NLRP5: variants seen among roughly 807,000 people sequenced by gnomAD.
The protein encoded by NLRP5 is NACHT, LRR and PYD domains-containing protein 5.
NLRP5 carries 93 observed loss-of-function variants against 113.1 expected under a neutral mutation model. The observed-to-expected ratio is 0.82, with a 90% CI of 0.70 to 0.98. NLRP5 has a LOEUF of 0.98. Ranked by LOEUF, NLRP5 falls within the 50% of genes least tolerant of loss-of-function variation. The pLI is 0.00. For synonymous variants in NLRP5, 751 were observed against 600.7 expected (o/e 1.25, Z -3.66); for missense variants, 1,808 against 1,514.3 (o/e 1.19, Z -3.22).
intron 7 of NLRP5, among the ~76,000 whole-genome samples, chr19:56,030,911 A>T (rs1199676633): frequency 2.0e-5 from 3 of 151,344 alleles, no homozygotes; most frequent in Non-Finnish European, 4.4e-5. Context: ...ATGGGGTTTC[A>T]CCATATTGGC....
upstream of NLRP5, among the ~76,000 whole-genome samples, chr19:55,998,133 GA>G (rs1408634634): frequency 6.6e-6 from 1 of 152,062 alleles, no homozygotes; most frequent in Non-Finnish European, 1.5e-5. Flanking sequence ...AATTAAGTAG[GA>G]ATTCCAAAGA....
Position 56,028,443 on chromosome 19 carries a change from G to C in NLRP5, c.2210G>C (p.Arg737Pro), listed in dbSNP as rs375006739. 3 of 1,613,898 alleles carry C rather than the reference G, an allele frequency of 1.9e-6. No individual in the cohort carries two copies. Among genetic ancestry groups the C allele is most frequent in the Admixed American group, 3.3e-5 (2 of 60,020 alleles). The stretch of plus-strand genomic sequence containing the variant: ...CACTGTCCGTATTTGCGGAAAATTC[G>C]GGTGGATGTCAAAGGGATCTTCCCA... Residue 737 changes from arginine to proline, a missense_variant, in exon 7 of 15, where the codon CGG (arginine) becomes CCG (proline). Transcript: ENST00000390649.
intron 1 of NLRP5, among the ~76,000 whole-genome samples, chr19:56,001,157 T>C (rs1002890153): frequency 5.7e-5 from 5 of 88,376 alleles, no homozygotes; most frequent in African/African-American, 2.3e-4. Context: ...ACCTTGTCTC[T>C]ACTTTTTTTT....
chr19:56,006,279 G>C (rs1450424611), intron 2 of NLRP5, among the ~76,000 whole-genome samples: 1 of 152,088 alleles, frequency 6.6e-6, no homozygotes, highest in African/African-American at 2.4e-5. Context: ...CTGTTGTGGG[G>C]TGGGGGAAGT....
chr19:56,008,729 G>A, intron 2 of NLRP5, 59 bp from the exon 3 acceptor site: 1 of 1,450,182 alleles, frequency 6.9e-7, no homozygotes, highest in Non-Finnish European at 9.5e-7. Flanking sequence ...TCTTATCCTT[G>A]GCTTGGGTAA....
chr19:55,988,528 C>T, the NLRP5 span: 1 of 147,566 alleles, frequency 6.8e-6, no homozygotes, highest in Non-Finnish European at 1.5e-5. Context: ...TAGACAAAGT[C>T]TTCATCGTCT....
chr19:56,024,337 GC>G (rs1982727225), intron 6 of NLRP5, among the ~76,000 whole-genome samples: 1 of 117,290 alleles, frequency 8.5e-6, no homozygotes, highest in Non-Finnish European at 1.7e-5. Flanking sequence ...CCTCATCTCT[GC>G]TTAAAAAAAA....
rs921897771 is a variant in NLRP5 at position 56,030,351 on chromosome 19, C to T, written c.2276+1842C>T. 5.3e-5 allele frequency among the ~76,000 whole-genome samples: 8 copies of T among 151,980 alleles called. 1 individual carries two copies. Among genetic ancestry groups the T allele is most frequent in the Admixed American group, 5.2e-4 (8 of 15,280 alleles). On this transcript the variant is annotated intron_variant, in intron 7 of 14. Coordinates refer to ENST00000390649, the MANE Select transcript of NLRP5 (RefSeq NM_153447.4). ...CACCACTGTGCTCCAACCTGGGTGACAGAGTGAGACTCTATCTCAAAAAAA... is the reference window on the plus strand; with the variant it reads ...CACCACTGTGCTCCAACCTGGGTGATAGAGTGAGACTCTATCTCAAAAAAA...
chr19:56,042,975 G>A (rs1028975205), intron 11 of NLRP5, among the ~76,000 whole-genome samples: 1 of 152,096 alleles, frequency 6.6e-6, no homozygotes, highest in African/African-American at 2.4e-5. Flanking sequence ...ATGTATGTGT[G>A]TGTGTGTGTG....
intron 6 of NLRP5, among the ~76,000 whole-genome samples, chr19:56,025,789 C>T (rs1455189843): frequency 6.6e-6 from 1 of 152,072 alleles, no homozygotes; most frequent in Non-Finnish European, 1.5e-5. Context: ...CACACCTGTC[C>T]TACAGGTGTA....
the NLRP5 span, among the ~76,000 whole-genome samples, chr19:55,992,648 T>C: frequency 6.6e-6 from 1 of 152,134 alleles, no homozygotes; most frequent in Non-Finnish European, 1.5e-5. Context: ...ACACAGCTTT[T>C]CTCCTTTGTT....
chr19:56,023,793 G>A (rs1023866239), intron 6 of NLRP5, among the ~76,000 whole-genome samples: 1 of 152,166 alleles, frequency 6.6e-6, no homozygotes, highest in East Asian at 1.9e-4. Flanking sequence ...ACCCATCTTG[G>A]ACTGATTCAG....
intron 2 of NLRP5, among the ~76,000 whole-genome samples, chr19:56,008,187 T>C (rs12462344): frequency 0.52 from 78,240 of 150,494 alleles, 22,102 homozygotes; most frequent in Non-Finnish European, 0.64. Flanking sequence ...CTCAGCCTCC[T>C]AAAGTGCTGG....
intron 6 of NLRP5, 104 bp downstream of exon 6, chr19:56,020,535 T>A (rs1228933602): frequency 7.6e-7 from 1 of 1,322,260 alleles, no homozygotes; most frequent in African/African-American, 1.5e-5. Context: ...AGATTGCCTT[T>A]CTTCAATCTC....
At chr19:56,053,856 G>A (rs1173887856) in intron 13 of NLRP5, 48 bp downstream of exon 13, 4 of 1,581,680 alleles carry the variant, frequency 2.5e-6, no homozygotes, top group African/African-American at 2.7e-5. Context: ...GAGGAGGTGG[G>A]GGACCCCAGC....
At chr19:56,037,105 C>T (rs1444122163) in intron 9 of NLRP5, among the ~76,000 whole-genome samples, 1 of 152,154 alleles carries the variant, frequency 6.6e-6, no homozygotes, top group Non-Finnish European at 1.5e-5. Flanking sequence ...AGGGCATAAA[C>T]TGAGTTGCAG....
the NLRP5 span, chr19:55,987,865 AC>A: frequency 1.2e-6 from 2 of 1,613,846 alleles, no homozygotes; most frequent in East Asian, 4.5e-5. Context: ...CTCCTCACCC[AC>A]CCGACTTCAC....
At chr19:55,987,949 C>T in the NLRP5 span, 7 of 1,487,400 alleles carry the variant, frequency 4.7e-6, no homozygotes, top group Admixed American at 5.0e-5. Context: ...CTTGATTGAT[C>T]AGTTCCCACT....
intron 1 of NLRP5, 155 bp from the exon 2 acceptor site, chr19:56,003,581 G>C (rs1162704174): frequency 1.2e-6 from 1 of 862,242 alleles, no homozygotes; most frequent in East Asian, 2.5e-5. Flanking sequence ...CTGATGTCTA[G>C]TAATAGGATA....
Sources: gnomAD v4.1 joint callset for allele counts (sites outside exome capture counted in the v4.1 genomes callset) on GRCh38, gnomAD v4.1.1 for gene constraint, MANE v1.5 for transcripts, NCBI Gene and HGNC (gene_info 2026-07-23, HGNC 2026-07-21) for gene names.